The following P3H2 variants were observed in gnomAD, a reference collection of about 807,000 sequenced individuals.
P3H2 encodes prolyl 3-hydroxylase 2.
P3H2 carries 80 observed loss-of-function variants against 87.0 expected under a neutral mutation model. The ratio of observed to expected loss-of-function variants is 0.92; its 90% CI spans 0.77 to 1.11. P3H2 has a LOEUF of 1.11. Among genes scored for constraint, P3H2 ranks in the 50% least tolerant of loss-of-function variants. The pLI, the probability that P3H2 is intolerant of heterozygous loss-of-function variation, is 0.00. For missense variants in P3H2, 1,001 were observed against 923.9 expected, an observed-to-expected ratio of 1.08 and a Z score of -1.08; for synonymous variants, 367 against 359.3, an observed-to-expected ratio of 1.02 and a Z score of -0.24.
Position 189,972,178 on chromosome 3 carries a change from G to T in P3H2, c.1700-171C>A, listed in dbSNP as rs576194848. Among the ~76,000 whole-genome samples the T allele has an allele frequency of 2.6e-5, 4 of 152,316 alleles. No homozygotes were observed. In the South Asian group the frequency reaches 8.3e-4, roughly 32 times the overall value. On this transcript the variant is annotated intron_variant, in intron 11 of 14. Coordinates refer to ENST00000319332, the MANE Select transcript of P3H2 (RefSeq NM_018192.4). ...GGACAAGTAGTTGAGATTCTGGTCT[G>T]GTTCTGATATGAACTGGATGTGAAA... is the stretch of plus-strand genomic sequence containing the variant.
intron 1 of P3H2, among the ~76,000 whole-genome samples, chr3:190,098,679 G>A (rs761355839): frequency 5.9e-5 from 9 of 152,144 alleles, no homozygotes; most frequent in Middle Eastern, 3.4e-3. Flanking sequence ...ATAGTGTCTC[G>A]TTTATTTCTC....
intron 1 of P3H2, among the ~76,000 whole-genome samples, chr3:190,010,316 T>C (rs2108933921): frequency 6.6e-6 from 1 of 152,232 alleles, no homozygotes; most frequent in South Asian, 2.1e-4. Context: ...CTGAAATAAA[T>C]GTATTACCAC....
chr3:190,013,035 G>A (rs1056428588), intron 1 of P3H2, among the ~76,000 whole-genome samples: 5 of 152,144 alleles, frequency 3.3e-5, no homozygotes, highest in African/African-American at 1.2e-4. Flanking sequence ...AAGAAAAGCT[G>A]TTCATATGGT....
chr3:190,079,490 A>C (rs1214590997), intron 1 of P3H2, among the ~76,000 whole-genome samples: 1 of 152,162 alleles, frequency 6.6e-6, no homozygotes, highest in Non-Finnish European at 1.5e-5. Context: ...CATCAATTTA[A>C]ATTTTACTAG....
At chr3:189,997,034 T>C (rs116644759) in intron 1 of P3H2, among the ~76,000 whole-genome samples, 2,709 of 152,352 alleles carry the variant, frequency 0.018, 69 homozygotes, top group African/African-American at 0.062. Flanking sequence ...TTTTTAAAAT[T>C]ATTTTTGAGA....
At chr3:190,037,345 T>C (rs1488964118) in intron 1 of P3H2, among the ~76,000 whole-genome samples, 1 of 152,134 alleles carries the variant, frequency 6.6e-6, no homozygotes, top group Non-Finnish European at 1.5e-5. Context: ...TAGAATCTAG[T>C]ATAAGCTCTA....
At chr3:190,114,521 T>C (rs568725725) in intron 1 of P3H2, among the ~76,000 whole-genome samples, 2 of 152,270 alleles carry the variant, frequency 1.3e-5, no homozygotes, top group South Asian at 4.1e-4. Context: ...GTGGCACTTA[T>C]CACTTATACG....
intron 11 of P3H2, 83 bp from the exon 12 acceptor site, chr3:189,972,090 G>T: frequency 2.3e-6 from 2 of 853,228 alleles, no homozygotes. Context: ...TCTTCTCCCA[G>T]TCCTGATGAT....
chr3:190,051,364 G>GATA (rs10699789), intron 1 of P3H2, among the ~76,000 whole-genome samples: 124,146 of 151,912 alleles, frequency 0.82, 50,918 homozygotes, highest in East Asian at 0.88. Flanking sequence ...ATGGCATTAA[G>GATA]ATGTCATTTA....
At chr3:190,049,808 G>T (rs570178873) in intron 1 of P3H2, among the ~76,000 whole-genome samples, 1 of 152,224 alleles carries the variant, frequency 6.6e-6, no homozygotes, top group East Asian at 1.9e-4. Flanking sequence ...CCTCCTTTAA[G>T]TGCATTTCCC....
Position 189,974,735 on chromosome 3 carries a change from G to A in P3H2, c.1325-50C>T, listed in dbSNP as rs763919507. On this transcript the variant is annotated intron_variant, in intron 8 of 14. Coordinates refer to ENST00000319332, the MANE Select transcript of P3H2 (RefSeq NM_018192.4). ...TCCCTGTTACCTCTGTCCCCCGAAA[G>A]GAAGCACAGAATACCAAACAGCTTT... is the stretch of plus-strand genomic sequence containing the variant. 4 of 1,612,130 alleles carry A rather than the reference G, an allele frequency of 2.5e-6. No homozygotes were observed. The South Asian group carries it at 4.4e-5, about 18-fold the overall frequency.
chr3:189,977,465 C>T (rs748037304), intron 8 of P3H2, among the ~76,000 whole-genome samples: 5 of 152,148 alleles, frequency 3.3e-5, no homozygotes, highest in Non-Finnish European at 4.4e-5. Flanking sequence ...TGACTGAAAC[C>T]GGTGAGAGAT....
intron 1 of P3H2, among the ~76,000 whole-genome samples, chr3:190,087,827 C>A (rs1431792176): frequency 6.6e-6 from 1 of 152,102 alleles, no homozygotes; most frequent in Non-Finnish European, 1.5e-5. Context: ...ATTGTTCTGG[C>A]TTACTGTAAG....
chr3:189,972,093 C>T, intron 11 of P3H2, 86 bp from the exon 12 acceptor site: 2 of 846,548 alleles, frequency 2.4e-6, no homozygotes, highest in Non-Finnish European at 4.1e-6. Flanking sequence ...TCTCCCAGTC[C>T]TGATGATCTT....
intron 1 of P3H2, among the ~76,000 whole-genome samples, chr3:190,000,102 T>G (rs1724164999): frequency 6.6e-6 from 1 of 152,184 alleles, no homozygotes. Context: ...CCAGTAGTCA[T>G]CCATTGACTA....
intron 3 of P3H2, 40 bp from the exon 4 acceptor site, chr3:189,989,078 C>T (rs1723797328): frequency 1.2e-6 from 2 of 1,613,138 alleles, no homozygotes; most frequent in Non-Finnish European, 1.7e-6. Flanking sequence ...CTCCAGGTTG[C>T]TGAGTGCCCA....
chr3:190,046,219 G>A (rs1049749890), intron 1 of P3H2, among the ~76,000 whole-genome samples: 32 of 151,896 alleles, frequency 2.1e-4, no homozygotes, highest in Non-Finnish European at 4.0e-4. Flanking sequence ...CGTGTATGCC[G>A]TTTCCTTGCA....
chr3:189,983,961 G>A (rs939629579), intron 7 of P3H2, among the ~76,000 whole-genome samples: 1 of 151,950 alleles, frequency 6.6e-6, no homozygotes, highest in Non-Finnish European at 1.5e-5. Flanking sequence ...AGCATTAGGA[G>A]ATATACCTAA....
intron 1 of P3H2, among the ~76,000 whole-genome samples, chr3:190,068,601 T>A (rs1181539282): frequency 1.3e-5 from 2 of 152,150 alleles, no homozygotes; most frequent in Non-Finnish European, 2.9e-5. Flanking sequence ...ATAGAGTAAA[T>A]CTATGTAGGA....
Sources: gnomAD v4.1 joint callset for allele counts (sites outside exome capture counted in the v4.1 genomes callset) on GRCh38, gnomAD v4.1.1 for gene constraint, MANE v1.5 for transcripts, NCBI Gene and HGNC (gene_info 2026-07-23, HGNC 2026-07-21) for gene names.